MED28: variants seen among roughly 807,000 people sequenced by gnomAD.
MED28 encodes mediator complex subunit 28.
In MED28, 26 loss-of-function variants were observed where a neutral mutation model predicts 21.3. The observed-to-expected ratio is 1.22, with a 90% CI of 0.89 to 1.69. The LOEUF (loss-of-function observed/expected upper bound fraction) is 1.69. Ranked by LOEUF, MED28 falls within the 40% of genes most tolerant of loss-of-function variation. The pLI is 0.00. For missense variants in MED28, 257 were observed against 215.4 expected, an observed-to-expected ratio of 1.19 and a Z score of -1.21; for synonymous variants, 110 against 87.6, an observed-to-expected ratio of 1.26 and a Z score of -1.43.
chr4:17,631,866 C>CT lies in MED28; in HGVS notation c.*8069dup, dbSNP rs1317715385. 1 of 152,172 alleles carries CT rather than the reference C, an allele frequency of 6.6e-6. No individual in the cohort carries two copies. The highest frequency in any genetic ancestry group is 1.9e-4 in the East Asian group (1 of 5,172). The allele number at this position is 152,172 out of a possible 1,614,324, so 9.4% of individuals were successfully genotyped here. On this transcript the variant is annotated 3_prime_UTR_variant, in exon 4 of 4. Coordinates refer to ENST00000237380, the MANE Select transcript of MED28 (RefSeq NM_025205.5). ...AGAAACAGCTTTCCAGTGGAGTTGA[C>CT]TAGCATCCTAAGGACAAGTACAACC...
chr4:17,622,821 A>T (rs1397234637), intron 3 of MED28, among the ~76,000 whole-genome samples: 3 of 152,342 alleles, frequency 2.0e-5, no homozygotes, highest in Non-Finnish European at 4.4e-5. Flanking sequence ...GGTGAAAGAC[A>T]CATCTCACAT....
intron 3 of MED28, 115 bp downstream of exon 3, chr4:17,621,814 G>T: frequency 1.4e-6 from 1 of 732,606 alleles, no homozygotes. Flanking sequence ...AGGCTTTATA[G>T]GTCAGTGTGA....
Position 17,632,408 on chromosome 4 carries a change from T to G in MED28, c.*8610T>G. ...TGAAGTGTTAACGCCAAAATTTGTT[T>G]TAGCTATCATATATAAATCATAAGC... On this transcript the variant is annotated 3_prime_UTR_variant, in exon 4 of 4. Transcript: ENST00000237380. 1 of 807,724 alleles carries G rather than the reference T, an allele frequency of 1.2e-6. No homozygotes were observed. The highest frequency in any genetic ancestry group is 1.9e-6 in the Non-Finnish European group (1 of 524,704). The allele number at this position is 807,724 out of a possible 1,614,324, so 50.0% of individuals were successfully genotyped here.
Position 17,633,636 on chromosome 4 carries a change from T to C in MED28, c.*9838T>C. 2.0e-5 allele frequency: 28 copies of C among 1,374,560 alleles called. No homozygotes were observed. Among genetic ancestry groups the C allele is most frequent in the Non-Finnish European group, 2.6e-5 (27 of 1,051,158 alleles). The allele number at this position is 1,374,560 out of a possible 1,614,324, so 85.1% of individuals were successfully genotyped here. ...GTGCTAGAAAGAATCCTACTTCCCC[T>C]CTTATCTACAGGGAAATAGAATAAG... On this transcript the variant is annotated 3_prime_UTR_variant, in exon 4 of 4. Transcript: ENST00000237380.
Position 17,614,650 on chromosome 4 carries a change from C to A in MED28, c.-5C>A, listed in dbSNP as rs778869684. On this transcript the variant is annotated 5_prime_UTR_variant, in exon 1 of 4. Coordinates refer to ENST00000237380, the MANE Select transcript of MED28 (RefSeq NM_025205.5). Reference sequence around the variant, plus strand: ...GCAGTGGATCTCTCTTGCGCCATTCCAAACATGGCGGCTCCACTAGGGGGT... The same window carrying A: ...GCAGTGGATCTCTCTTGCGCCATTCAAAACATGGCGGCTCCACTAGGGGGT... The A allele has an allele frequency of 3.8e-5, 61 of 1,605,822 alleles. No homozygotes were observed. Among genetic ancestry groups the A allele is most frequent in the Non-Finnish European group, 4.9e-5 (58 of 1,176,882 alleles).
chr4:17,616,426 A>G (rs13127157), intron 1 of MED28, among the ~76,000 whole-genome samples: 40,618 of 152,154 alleles, frequency 0.27, 6,579 homozygotes, highest in South Asian at 0.37. Flanking sequence ...CTGGCCCTGT[A>G]CAAGTCTTAG....
In MED28 at chr4:17,623,782, C is replaced by A; in HGVS notation, c.521C>A (p.Pro174His). The change falls in exon 4 of 4, where the codon CCT becomes CAT. Residue 174 changes from proline (P) to histidine (H), a missense_variant. Pro to His is a moderately conservative substitution (Grantham distance 77). Coordinates refer to ENST00000237380, the MANE Select transcript of MED28 (RefSeq NM_025205.5). ...CAGGCATCTGCCAACATCCCTGCAC[C>A]TCTGAAGCCAACGTGAGCAAAGGGC... is the stretch of plus-strand genomic sequence containing the variant. ...LEQASANIPAPLKPT is the reference protein window; with the variant it reads ...LEQASANIPAHLKPT 6.2e-7 allele frequency: 1 copy of A among 1,613,884 alleles called. No homozygotes were observed. Among genetic ancestry groups the A allele is most frequent in the South Asian group, 1.1e-5 (1 of 91,028 alleles).
intron 3 of MED28, 60 bp downstream of exon 3, chr4:17,621,759 T>C: frequency 1.8e-6 from 2 of 1,120,562 alleles, no homozygotes; most frequent in Non-Finnish European, 2.6e-6. Flanking sequence ...CAGGATTCCT[T>C]TTATGCTTTA....
chr4:17,615,092 C>T (rs1181044759), intron 1 of MED28, among the ~76,000 whole-genome samples: 1 of 152,214 alleles, frequency 6.6e-6, no homozygotes, highest in Admixed American at 6.5e-5. Context: ...GGTCCTTAGT[C>T]TCATCCCCGA....
At chr4:17,618,641 C>T (rs934503285) in intron 1 of MED28, among the ~76,000 whole-genome samples, 4 of 152,100 alleles carry the variant, frequency 2.6e-5, no homozygotes, top group East Asian at 3.9e-4. Flanking sequence ...CTCAGCCTCC[C>T]GAGTAGCTGG....
Position 17,625,707 on chromosome 4 carries a change from CT to C in MED28, c.*1914del, listed in dbSNP as rs35006025. On this transcript the variant is annotated 3_prime_UTR_variant, in exon 4 of 4. Transcript: ENST00000237380. ...TCTAAGAAACCCTCTGAGCTGCTAA[CT>C]TTTTCAGGGAGAAAATCACAAGCCA... is the stretch of plus-strand genomic sequence containing the variant. 1 of 444,878 alleles carries C rather than the reference CT, an allele frequency of 2.2e-6. No homozygotes were observed. The highest frequency in any genetic ancestry group is 1.6e-5 in the South Asian group (1 of 62,558). The allele number at this position is 444,878 out of a possible 1,614,324, so 27.6% of individuals were successfully genotyped here.
intron 3 of MED28, among the ~76,000 whole-genome samples, chr4:17,622,790 G>A (rs1312949489): frequency 2.6e-5 from 4 of 152,198 alleles, no homozygotes; most frequent in Non-Finnish European, 5.9e-5. Context: ...TGGCTGGGGA[G>A]GCCTCACAAT....
rs939451197 is a variant in MED28, at chr4:17,633,995, A to G, written c.*10197A>G. The G allele has an allele frequency of 4.0e-5, 36 of 891,988 alleles. No individual in the cohort carries two copies. In the Middle Eastern group the frequency reaches 2.2e-3, roughly 55 times the overall value. 55.3% of individuals were successfully genotyped at this position (891,988 alleles called of 1,614,324 possible). A position where few individuals can be genotyped will look rare whatever the true frequency, so the allele number is the denominator to read the frequency against. On this transcript the variant is annotated 3_prime_UTR_variant, in exon 4 of 4. Coordinates refer to ENST00000237380, the MANE Select transcript of MED28 (RefSeq NM_025205.5). ...CCCAATCAAAATTGTATCGGAGAAG[A>G]AGCAACAATTTCATTTATACACTTA...
rs1370331405 is a variant in MED28 at position 17,630,860 on chromosome 4, C to T, written c.*7062C>T. The T allele has an allele frequency of 2.0e-5, 3 of 151,878 alleles. No homozygotes were observed. The highest frequency in any genetic ancestry group is 6.6e-5 in the Admixed American group (1 of 15,242). 9.4% of individuals were successfully genotyped at this position (151,878 alleles called of 1,614,324 possible). A position where few individuals can be genotyped will look rare whatever the true frequency, so the allele number is the denominator to read the frequency against. Reference sequence around the variant, plus strand: ...CTAAGCTGTCTTCATCTAATTTTACCTTTCTGTGGAAAATCAATACAAGTC... The same window carrying T: ...CTAAGCTGTCTTCATCTAATTTTACTTTTCTGTGGAAAATCAATACAAGTC... On this transcript the variant is annotated 3_prime_UTR_variant, in exon 4 of 4. Transcript: ENST00000237380.
intron 1 of MED28, among the ~76,000 whole-genome samples, chr4:17,618,988 C>T (rs1287025155): frequency 1.3e-5 from 2 of 152,246 alleles, no homozygotes; most frequent in Non-Finnish European, 2.9e-5. Flanking sequence ...AATTTGAGCT[C>T]AGATCTGTCT....
Position 17,632,714 on chromosome 4 carries a change from T to TGCTTGTTTAC in MED28, c.*8917_*8926dup. On this transcript the variant is annotated 3_prime_UTR_variant, in exon 4 of 4. Transcript: ENST00000237380. ...CACCATCTTTTCAGGGAAAGATAACTGCTTGTTTACTCTTCAAAAACACCC... is the reference window on the plus strand; with the variant it reads ...CACCATCTTTTCAGGGAAAGATAACTGCTTGTTTACGCTTGTTTACTCTTCAAAAACACCC... 2 of 885,996 alleles carry TGCTTGTTTAC rather than the reference T, an allele frequency of 2.3e-6. No homozygotes were observed. Among genetic ancestry groups the TGCTTGTTTAC allele is most frequent in the Admixed American group, 5.0e-5 (2 of 40,336 alleles). 54.9% of individuals were successfully genotyped at this position (885,996 alleles called of 1,614,324 possible). A position where few individuals can be genotyped will look rare whatever the true frequency, so the allele number is the denominator to read the frequency against.
At chr4:17,617,356 C>T (rs148340168) in intron 1 of MED28, among the ~76,000 whole-genome samples, 3 of 152,336 alleles carry the variant, frequency 2.0e-5, no homozygotes, top group Admixed American at 6.5e-5. Flanking sequence ...GGTGCCACTC[C>T]TTGAGGTCTC....
intron 1 of MED28, among the ~76,000 whole-genome samples, chr4:17,615,738 A>G (rs1467076581): frequency 2.0e-5 from 3 of 152,130 alleles, no homozygotes. Context: ...TGAACCTGGG[A>G]TGCGGAGGTT....
At chr4:17,614,834 C>CGAGGTAA (rs770270982) in intron 1 of MED28, 21 bp downstream of exon 1, 3 of 1,581,618 alleles carry the variant, frequency 1.9e-6, no homozygotes, top group Non-Finnish European at 2.6e-6. Context: ...ACATGGGCGT[C>CGAGGTAA]TTTGTCCCTA....
Sources: allele counts gnomAD v4.1 joint callset (sites outside exome capture counted in the v4.1 genomes callset), GRCh38; gene constraint gnomAD v4.1.1; transcripts MANE v1.5; gene names NCBI Gene and HGNC (gene_info 2026-07-23, HGNC 2026-07-21).